Variants in PLPP1 observed in about 807,000 individuals in gnomAD.
PLPP1 encodes lipid phosphate phosphohydrolase 1a.
A neutral mutation model predicts 31.2 loss-of-function variants in PLPP1; 24 were observed. That is an observed-to-expected ratio of 0.77 (90% confidence interval 0.56 to 1.08). PLPP1 has a LOEUF of 1.08. Among genes scored for constraint, PLPP1 ranks in the 50% least tolerant of loss-of-function variants. The pLI is 0.00. For synonymous variants in PLPP1, 146 were observed against 126.3 expected, an observed-to-expected ratio of 1.16 and a Z score of -1.05; for missense variants, 319 against 342.7, an observed-to-expected ratio of 0.93 and a Z score of 0.55.
At chr5:55,508,398 C>G (rs1483485630) in intron 1 of PLPP1, among the ~76,000 whole-genome samples, 6 of 152,144 alleles carry the variant, frequency 3.9e-5, no homozygotes, top group African/African-American at 7.2e-5. Flanking sequence ...TCTCATAATT[C>G]TAAAACACAT....
At chr5:55,532,748 A>C (rs950643949) in intron 1 of PLPP1, among the ~76,000 whole-genome samples, 2 of 152,060 alleles carry the variant, frequency 1.3e-5, no homozygotes, top group African/African-American at 4.8e-5. Context: ...CACAAGGTCA[A>C]GAGTTCAAGG....
intron 3 of PLPP1, among the ~76,000 whole-genome samples, chr5:55,463,519 G>T (rs1752215191): frequency 6.6e-6 from 1 of 151,876 alleles, no homozygotes. Flanking sequence ...AAATTAGCTG[G>T]GCATGGTGGC....
At chr5:55,527,229 T>G (rs1740484510) in intron 1 of PLPP1, among the ~76,000 whole-genome samples, 1 of 152,162 alleles carries the variant, frequency 6.6e-6, no homozygotes, top group Non-Finnish European at 1.5e-5. Context: ...GACCGCTCCT[T>G]AGGAGTATCC....
chr5:55,464,076 T>C (rs532397718), intron 3 of PLPP1, among the ~76,000 whole-genome samples: 1 of 151,926 alleles, frequency 6.6e-6, no homozygotes, highest in East Asian at 1.9e-4. Flanking sequence ...CACACTGAGA[T>C]ACCATAACAA....
At chr5:55,512,354 C>T (rs1046314902) in intron 1 of PLPP1, among the ~76,000 whole-genome samples, 2 of 151,102 alleles carry the variant, frequency 1.3e-5, no homozygotes, top group African/African-American at 4.9e-5. Flanking sequence ...GCCTGTAATC[C>T]CAGCTATTTG....
chr5:55,503,356 A>AAT (rs766592329), intron 1 of PLPP1, among the ~76,000 whole-genome samples: 2 of 152,222 alleles, frequency 1.3e-5, no homozygotes, highest in Non-Finnish European at 2.9e-5. Flanking sequence ...ATCTGGCTGT[A>AAT]ATGTGAGGAA....
At chr5:55,443,524 A>G (rs891597792) in intron 3 of PLPP1, among the ~76,000 whole-genome samples, 1 of 152,196 alleles carries the variant, frequency 6.6e-6, no homozygotes, top group African/African-American at 2.4e-5. Context: ...AGTTAATAAA[A>G]GCCAATTTCA....
At chr5:55,470,724 C>T (rs1752397427) in intron 2 of PLPP1, among the ~76,000 whole-genome samples, 1 of 152,152 alleles carries the variant, frequency 6.6e-6, no homozygotes, top group Non-Finnish European at 1.5e-5. Flanking sequence ...ATTTTAATTC[C>T]TTACCCTAAC....
intron 1 of PLPP1, among the ~76,000 whole-genome samples, chr5:55,510,501 A>T (rs1753381720): frequency 6.6e-6 from 1 of 152,208 alleles, no homozygotes; most frequent in Non-Finnish European, 1.5e-5. Flanking sequence ...CTGAATTCAC[A>T]GAACTGTACA....
At chr5:55,530,940 C>CGGCAGCGGCCGAGGT (rs1740644144) in intron 1 of PLPP1, among the ~76,000 whole-genome samples, 1 of 151,462 alleles carries the variant, frequency 6.6e-6, no homozygotes, top group South Asian at 2.1e-4. Context: ...ATGGTGACAG[C>CGGCAGCGGCCGAGGT]GGCAGCGGCC....
intron 4 of PLPP1, among the ~76,000 whole-genome samples, chr5:55,432,259 A>G (rs1360075861): frequency 6.6e-6 from 1 of 152,064 alleles, no homozygotes; most frequent in East Asian, 1.9e-4. Context: ...GACTACTGCT[A>G]ACTGCTGTGC....
At chr5:55,522,308 A>G (rs1229430018) in intron 1 of PLPP1, among the ~76,000 whole-genome samples, 1 of 152,234 alleles carries the variant, frequency 6.6e-6, no homozygotes, top group African/African-American at 2.4e-5. Context: ...AGGGGAAATT[A>G]GTTACATCCT....
rs553063305 is a variant in PLPP1 at position 55,534,515 on chromosome 5, C to A, written c.58+57G>T. On this transcript the variant is annotated intron_variant, in intron 1 of 5. Coordinates refer to ENST00000307259, the MANE Select transcript of PLPP1 (RefSeq NM_003711.4). ...CCCCGCTGCCCGTCGCGGCTCTGCG[C>A]TAAAGCCCTCCCGGGACAGCCGCAC... The A allele has an allele frequency of 4.1e-5, 61 of 1,494,092 alleles. 1 individual carries two copies. The South Asian group carries it at 6.1e-4, about 15-fold the overall frequency. The allele number at this position is 1,494,092 out of a possible 1,614,324, so 92.6% of individuals were successfully genotyped here. A position where few individuals can be genotyped will look rare whatever the true frequency, so the allele number is the denominator to read the frequency against.
intron 3 of PLPP1, among the ~76,000 whole-genome samples, chr5:55,461,445 A>G (rs531966282): frequency 6.6e-6 from 1 of 152,298 alleles, no homozygotes; most frequent in African/African-American, 2.4e-5. Flanking sequence ...CCCCAGGGAT[A>G]AAAAGTTGCT....
At chr5:55,529,961 G>A (rs1195642524) in intron 1 of PLPP1, among the ~76,000 whole-genome samples, 1 of 152,154 alleles carries the variant, frequency 6.6e-6, no homozygotes, top group East Asian at 1.9e-4. Context: ...TAAAGCTAAT[G>A]TCATAACTTT....
intron 3 of PLPP1, among the ~76,000 whole-genome samples, chr5:55,447,163 C>T (rs1341701431): frequency 6.6e-6 from 1 of 152,192 alleles, no homozygotes; most frequent in Non-Finnish European, 1.5e-5. Context: ...ACTTCTAATC[C>T]TCCATGTTAC....
At position 55,469,216 on chromosome 5, in the gene PLPP1, C is replaced by G. The variant is rs113534166; in HGVS notation, c.211-1067G>C. 5.4e-3 allele frequency among the ~76,000 whole-genome samples: 824 copies of G among 151,974 alleles called. 4 individuals are homozygous for G. The highest frequency in any genetic ancestry group is 0.019 in the African/African-American group (794 of 41,466). On this transcript the variant is annotated intron_variant, in intron 2 of 5. Coordinates refer to ENST00000307259, the MANE Select transcript of PLPP1 (RefSeq NM_003711.4). ...AAAATAAACAGTTAAGGCCGGGCAC[C>G]GTGGCTCACTCCTGTAATCCCAGCA...
intron 1 of PLPP1, among the ~76,000 whole-genome samples, chr5:55,500,339 A>T (rs1753112797): frequency 6.6e-6 from 1 of 152,092 alleles, no homozygotes; most frequent in Admixed American, 6.5e-5. Context: ...TCAGCCTCCC[A>T]AAGTCTTGGG....
chr5:55,425,621 CTA>C lies in PLPP1; in HGVS notation c.726+240_726+241del, dbSNP rs1184859926. 3 of 453,294 alleles carry C rather than the reference CTA, an allele frequency of 6.6e-6. No individual in the cohort carries two copies. In the East Asian group the frequency reaches 1.1e-4, roughly 17 times the overall value. The allele number at this position is 453,294 out of a possible 1,614,324, so 28.1% of individuals were successfully genotyped here. A position where few individuals can be genotyped will look rare whatever the true frequency, so the allele number is the denominator to read the frequency against. ...TTCAAGTCATAATCCCCTAAAAAAA[CTA>C]TTTCTAGCCAGAGCCTTTCACAATA... is the stretch of plus-strand genomic sequence containing the variant. On this transcript the variant is annotated intron_variant, in intron 5 of 5. Transcript: ENST00000307259.
Sources: gnomAD v4.1 joint callset for allele counts (sites outside exome capture counted in the v4.1 genomes callset) on GRCh38, gnomAD v4.1.1 for gene constraint, MANE v1.5 for transcripts, NCBI Gene and HGNC (gene_info 2026-07-23, HGNC 2026-07-21) for gene names.